SLC25A23: variants seen among roughly 807,000 people sequenced by gnomAD.
The protein encoded by SLC25A23 is solute carrier family 25 member 23, also known as mitochondrial adenyl nucleotide antiporter SLC25A23.
Under a neutral mutation model 53.9 loss-of-function variants are expected in SLC25A23, and 32 were observed. That is an observed-to-expected ratio of 0.59 (90% CI 0.45 to 0.80). The LOEUF (loss-of-function observed/expected upper bound fraction) is 0.80. Ranked by LOEUF, SLC25A23 falls within the 30% of genes least tolerant of loss-of-function variation. The probability of loss-of-function intolerance (pLI) is 0.00; values close to 1 mark genes in which losing one functional copy is unlikely to be tolerated. For synonymous variants in SLC25A23, 275 were observed against 264.5 expected (o/e 1.04, Z -0.38); for missense variants, 575 against 651.4 (o/e 0.88, Z 1.28).
At chr19:6,444,506 C>A (rs1372943096) in intron 8 of SLC25A23, among the ~76,000 whole-genome samples, 1 of 152,152 alleles carries the variant, frequency 6.6e-6, no homozygotes, top group Non-Finnish European at 1.5e-5. Context: ...TAAGGGTCCC[C>A]TGTACTGACT....
At chr19:6,444,907 T>A (rs973771265) in intron 8 of SLC25A23, among the ~76,000 whole-genome samples, 1 of 152,122 alleles carries the variant, frequency 6.6e-6, no homozygotes, top group African/African-American at 2.4e-5. Flanking sequence ...GACCTTGTGA[T>A]CCGCCTGCCT....
At chr19:6,451,162 G>A (rs1488854714) in intron 8 of SLC25A23, among the ~76,000 whole-genome samples, 1 of 151,716 alleles carries the variant, frequency 6.6e-6, no homozygotes, top group Non-Finnish European at 1.5e-5. Flanking sequence ...GCCAAGGCGG[G>A]TGGATCACTT....
intron 8 of SLC25A23, among the ~76,000 whole-genome samples, chr19:6,449,232 CTTCT>C (rs1274528594): frequency 6.6e-6 from 1 of 150,702 alleles, no homozygotes; most frequent in Non-Finnish European, 1.5e-5. Context: ...AAGACTGTGT[CTTCT>C]TTCTGTCTTT....
rs1297137688 is a variant in SLC25A23 at position 6,441,630 on chromosome 19, TG to T, written c.*344del. ...CTGCAGGATCCAGTGATTTGGGGGA[TG>T]GGGATTAAGGGCTGGGGTGTGGATA... On this transcript the variant is annotated 3_prime_UTR_variant, in exon 10 of 10. Coordinates refer to ENST00000301454, the MANE Select transcript of SLC25A23 (RefSeq NM_024103.3). 6 of 298,332 alleles carry T rather than the reference TG, an allele frequency of 2.0e-5. No individual in the cohort carries two copies. Among genetic ancestry groups the T allele is most frequent in the Non-Finnish European group, 3.9e-5 (6 of 155,184 alleles). The allele number at this position is 298,332 out of a possible 1,614,324, so 18.5% of individuals were successfully genotyped here.
At chr19:6,451,595 C>T (rs2092592398) in intron 8 of SLC25A23, among the ~76,000 whole-genome samples, 1 of 152,018 alleles carries the variant, frequency 6.6e-6, no homozygotes, top group African/African-American at 2.4e-5. Context: ...CCTGGTGATC[C>T]CACTAGAAGG....
chr19:6,453,239 GTTT>G (rs34113509), intron 7 of SLC25A23, among the ~76,000 whole-genome samples: 6 of 124,996 alleles, frequency 4.8e-5, no homozygotes, highest in Admixed American at 1.7e-4. Flanking sequence ...TGTGATTGAA[GTTT>G]TTTTTTTTTT....
In SLC25A23 at chr19:6,459,433, C is replaced by A; in HGVS notation, c.156+40G>T. ...AGGGGCTTGGGTAACCGGGAGCGGGCGGGGCCGGGAGGGGAGGAGGTCCCT... is the reference window on the plus strand; with the variant it reads ...AGGGGCTTGGGTAACCGGGAGCGGGAGGGGCCGGGAGGGGAGGAGGTCCCT... On this transcript the variant is annotated intron_variant, in intron 1 of 9. Transcript: ENST00000301454. This position sits in a 1 kb window ranked among gnomAD's most constrained non-coding sequence, Gnocchi z 4.6. The A allele has an allele frequency of 2.0e-6, 3 of 1,530,360 alleles. No individual in the cohort carries two copies. The highest frequency in any genetic ancestry group is 1.7e-6 in the Non-Finnish European group (2 of 1,143,640). 94.8% of individuals were successfully genotyped at this position (1,530,360 alleles called of 1,614,324 possible).
chr19:6,436,351 G>GT (rs1298689884), downstream of SLC25A23: 5 of 451,700 alleles, frequency 1.1e-5, no homozygotes, highest in Non-Finnish European at 2.2e-5. Context: ...TAGAATTGCA[G>GT]TGAGATGTTG....
chr19:6,444,125 G>A, intron 9 of SLC25A23, 26 bp downstream of exon 9: 2 of 1,533,290 alleles, frequency 1.3e-6, no homozygotes, highest in East Asian at 2.4e-5. Flanking sequence ...GACTCCCCCT[G>A]CCCCATCCTC....
chr19:6,442,164 G>A lies in SLC25A23; in HGVS notation c.1223-5C>T. Reference sequence around the variant, plus strand: ...GGGGGCCACCCTCGATGGAGGCTGGGAGGGGGCGGGGGGGGCACCAGGTAA... The same window carrying A: ...GGGGGCCACCCTCGATGGAGGCTGGAAGGGGGCGGGGGGGGCACCAGGTAA... On this transcript the variant is annotated splice_polypyrimidine_tract_variant and splice_region_variant and intron_variant, in intron 9 of 9. Transcript: ENST00000301454. 3 of 1,497,596 alleles carry A rather than the reference G, an allele frequency of 2.0e-6. No homozygotes were observed. Among genetic ancestry groups the A allele is most frequent in the Non-Finnish European group, 2.7e-6 (3 of 1,111,220 alleles). The allele number at this position is 1,497,596 out of a possible 1,614,324, so 92.8% of individuals were successfully genotyped here.
In SLC25A23 at chr19:6,459,721, A is replaced by G; in HGVS notation, c.-93T>C. The G allele has an allele frequency of 9.1e-7, 1 of 1,100,138 alleles. No homozygotes were observed. 68.1% of individuals were successfully genotyped at this position (1,100,138 alleles called of 1,614,324 possible). On this transcript the variant is annotated 5_prime_UTR_variant, in exon 1 of 10. Transcript: ENST00000301454. This position sits in a 1 kb window ranked among gnomAD's most constrained non-coding sequence, Gnocchi z 4.6. ...TCCCCCCCCGGGACCCCGCAGGGTCAGCTCCCGCGGCCGCCGGCTCCGCAG... is the reference window on the plus strand; with the variant it reads ...TCCCCCCCCGGGACCCCGCAGGGTCGGCTCCCGCGGCCGCCGGCTCCGCAG...
intron 8 of SLC25A23, among the ~76,000 whole-genome samples, chr19:6,444,510 A>G (rs1456137904): frequency 6.6e-6 from 1 of 152,082 alleles, no homozygotes; most frequent in Non-Finnish European, 1.5e-5. Context: ...GGTCCCCTGT[A>G]CTGACTATGC....
chr19:6,456,013 C>T, intron 4 of SLC25A23: 1 of 1,298,584 alleles, frequency 7.7e-7, no homozygotes, highest in South Asian at 1.2e-5. Flanking sequence ...GCCACTGCGC[C>T]TGGCCAAGAC....
In SLC25A23 at chr19:6,441,934, G is replaced by T; in HGVS notation, c.*41C>A. 1 of 1,582,266 alleles carries T rather than the reference G, an allele frequency of 6.3e-7. No homozygotes were observed. The highest frequency in any genetic ancestry group is 1.1e-5 in the South Asian group (1 of 89,808). ...GGATCATCAGTCTCCAGTGGCTGAG[G>T]TGTGGGGGGTGAGGGATTGGGGGGA... On this transcript the variant is annotated 3_prime_UTR_variant, in exon 10 of 10. Coordinates refer to ENST00000301454, the MANE Select transcript of SLC25A23 (RefSeq NM_024103.3).
At chr19:6,452,242 A>G in intron 8 of SLC25A23, 70 bp downstream of exon 8, 1 of 1,534,046 alleles carries the variant, frequency 6.5e-7, no homozygotes. Flanking sequence ...GCCCCAGGGG[A>G]AGGGGAAGGG....
chr19:6,452,284 G>A (rs751635874), intron 8 of SLC25A23, 28 bp downstream of exon 8: 1 of 1,586,366 alleles, frequency 6.3e-7, no homozygotes, highest in African/African-American at 1.4e-5. Context: ...GAGGGGAGCA[G>A]GGAAAGAGGA....
At position 6,454,602 on chromosome 19, in the gene SLC25A23, C is replaced by T. The variant is rs776771269; in HGVS notation, c.599G>A (p.Arg200Gln). Residue 200 changes from arginine to glutamine, a missense_variant, in exon 5 of 10, where the codon CGG becomes CAG. Transcript: ENST00000301454. This position sits in a 1 kb window ranked among gnomAD's most constrained non-coding sequence, Gnocchi z 4.3. ...VAGAVAGAVSRTGTAPLDRLK... is the reference protein window; with the variant it reads ...VAGAVAGAVSQTGTAPLDRLK... ...GCGGTCCAGAGGGGCCGTGCCTGTCCGTGACACGGCACCTGCCACTGCGCC... is the reference window on the plus strand; with the variant it reads ...GCGGTCCAGAGGGGCCGTGCCTGTCTGTGACACGGCACCTGCCACTGCGCC... 1.1e-5 allele frequency: 17 copies of T among 1,613,580 alleles called. No individual in the cohort carries two copies. The highest frequency in any genetic ancestry group is 1.3e-5 in the Non-Finnish European group (15 of 1,180,010).
At chr19:6,437,829 C>T (rs533339011), downstream of SLC25A23, among the ~76,000 whole-genome samples, 80 of 146,388 alleles carry the variant, frequency 5.5e-4, no homozygotes, top group South Asian at 0.016. Context: ...AAAGGCCGGG[C>T]GCGGTGGCTC....
chr19:6,456,015 G>A, intron 4 of SLC25A23: 1 of 1,299,164 alleles, frequency 7.7e-7, no homozygotes, highest in Non-Finnish European at 1.0e-6. Flanking sequence ...CACTGCGCCT[G>A]GCCAAGACCG....
Sources: allele counts gnomAD v4.1 joint callset (sites outside exome capture counted in the v4.1 genomes callset), GRCh38; gene constraint gnomAD v4.1.1; non-coding constraint Gnocchi (gnomAD v3.1); transcripts MANE v1.5; gene names NCBI Gene and HGNC (gene_info 2026-07-23, HGNC 2026-07-21).